The following IMPA1 variants were observed in gnomAD, a reference collection of about 807,000 sequenced individuals.
The protein encoded by IMPA1 is D-galactose 1-phosphate phosphatase.
In IMPA1, 21 loss-of-function variants were observed where a neutral mutation model predicts 34.9. The observed-to-expected ratio is 0.60, with a 90% CI of 0.43 to 0.87. IMPA1 has a LOEUF of 0.87. Among genes scored for constraint, IMPA1 ranks in the 40% least tolerant of loss-of-function variants. The pLI, the probability that IMPA1 is intolerant of heterozygous loss-of-function variation, is 0.00. For missense variants in IMPA1, 299 were observed against 336.4 expected, an observed-to-expected ratio of 0.89 and a Z score of 0.87; for synonymous variants, 95 against 104.4, an observed-to-expected ratio of 0.91 and a Z score of 0.55.
At chr8:81,669,374 C>G (rs747379743) in intron 7 of IMPA1, among the ~76,000 whole-genome samples, 6 of 152,198 alleles carry the variant, frequency 3.9e-5, no homozygotes, top group Non-Finnish European at 7.4e-5. Context: ...GGGCTGTACC[C>G]TGCAAAGCCA....
Position 81,684,558 on chromosome 8 carries a change from C to CT in IMPA1, c.-25+1693dup, listed in dbSNP as rs1563592496. ...TACTACACATAAGTATCTTTAGATA[C>CT]TAATGTGTAGTATATATACTACACA... On this transcript the variant is annotated intron_variant, in intron 1 of 8. Coordinates refer to ENST00000256108, the MANE Select transcript of IMPA1 (RefSeq NM_005536.4). Among the ~76,000 whole-genome samples, 307 of 96,680 alleles carry CT rather than the reference C, an allele frequency of 3.2e-3. 10 individuals are homozygous for CT. Among genetic ancestry groups the CT allele is most frequent in the Non-Finnish European group, 5.6e-3 (263 of 46,776 alleles). The allele number at this position is 96,680 out of a possible 152,430, so 63.4% of individuals were successfully genotyped here.
At chr8:81,685,762 C>T (rs867425174) in intron 1 of IMPA1, 31 of 1,514,750 alleles carry the variant, frequency 2.0e-5, no homozygotes, top group Non-Finnish European at 2.5e-5. Context: ...AGTTTACTCA[C>T]TTTCATTTTC....
At chr8:81,684,621 C>G (rs1236432006) in intron 1 of IMPA1, among the ~76,000 whole-genome samples, 1 of 83,588 alleles carries the variant, frequency 1.2e-5, no homozygotes, top group Non-Finnish European at 2.7e-5. Context: ...TATATATATA[C>G]TACACATAAG....
intron 1 of IMPA1, among the ~76,000 whole-genome samples, chr8:81,683,228 T>C (rs1255639406): frequency 6.6e-6 from 1 of 152,100 alleles, no homozygotes; most frequent in Non-Finnish European, 1.5e-5. Context: ...GTGGGGATCA[T>C]CCTCTACAGG....
In IMPA1 at chr8:81,681,370, G is replaced by A. The variant is rs1288873007; in HGVS notation, c.63+128C>T. The A allele has an allele frequency of 4.7e-6, 3 of 633,612 alleles. No individual in the cohort carries two copies. The African/African-American group carries it at 5.5e-5, about 12-fold the overall frequency. The allele number at this position is 633,612 out of a possible 1,614,324, so 39.2% of individuals were successfully genotyped here. On this transcript the variant is annotated intron_variant, in intron 2 of 8. Coordinates refer to ENST00000256108, the MANE Select transcript of IMPA1 (RefSeq NM_005536.4). ...GCCATGTTCCTGCCACTACATTCCA[G>A]CTTGGGTGACAAGCAAGACCGTTTC...
At chr8:81,684,673 A>C (rs140804066) in intron 1 of IMPA1, among the ~76,000 whole-genome samples, 6,148 of 133,180 alleles carry the variant, frequency 0.046, 358 homozygotes, top group African/African-American at 0.073. Context: ...ACATAAGTAT[A>C]TTTAGATACT....
intron 7 of IMPA1, among the ~76,000 whole-genome samples, chr8:81,665,441 T>C (rs1806794962): frequency 6.6e-6 from 1 of 151,222 alleles, no homozygotes; most frequent in Non-Finnish European, 1.5e-5. Flanking sequence ...TAAAGAGAAA[T>C]TAGGAAAAGC....
At position 81,657,108 on chromosome 8, in the gene IMPA1, T is replaced by C. The variant is rs537370023; in HGVS notation, c.*2243A>G. On this transcript the variant is annotated 3_prime_UTR_variant, in exon 9 of 9. Transcript: ENST00000256108. ...TAGATAATTCACTTGTCGATCATCC[T>C]TTTTCAGCATCTAAAGAAATTTCAG... 1.3e-5 allele frequency among the ~76,000 whole-genome samples: 2 copies of C among 152,296 alleles called. No individual in the cohort carries two copies. Among genetic ancestry groups the C allele is most frequent in the South Asian group, 4.1e-4 (2 of 4,824 alleles).
At position 81,659,324 on chromosome 8, in the gene IMPA1, C is replaced by A. The variant is rs1358520189; in HGVS notation, c.*27G>T. 1 of 1,279,148 alleles carries A rather than the reference C, an allele frequency of 7.8e-7. No homozygotes were observed. The highest frequency in any genetic ancestry group is 1.7e-5 in the Admixed American group (1 of 59,484). The allele number at this position is 1,279,148 out of a possible 1,614,324, so 79.2% of individuals were successfully genotyped here. A position where few individuals can be genotyped will look rare whatever the true frequency, so the allele number is the denominator to read the frequency against. On this transcript the variant is annotated 3_prime_UTR_variant, in exon 9 of 9. Transcript: ENST00000256108. Reference sequence around the variant, plus strand: ...AGTCACCAAATCTGGGGAAAAGCAACTGGGATTGACTATGAGGCTGCCTTA... The same window carrying A: ...AGTCACCAAATCTGGGGAAAAGCAAATGGGATTGACTATGAGGCTGCCTTA...
intron 7 of IMPA1, among the ~76,000 whole-genome samples, chr8:81,662,284 T>C (rs552136476): frequency 5.3e-5 from 8 of 152,344 alleles, no homozygotes; most frequent in South Asian, 2.1e-4. Flanking sequence ...TCTCATATCA[T>C]AGAATGCAAA....
intron 4 of IMPA1, among the ~76,000 whole-genome samples, chr8:81,678,320 A>G (rs1233583434): frequency 2.6e-5 from 4 of 152,132 alleles, no homozygotes; most frequent in Non-Finnish European, 5.9e-5. Flanking sequence ...CCCAAGAGTG[A>G]CTTCATTAGT....
chr8:81,668,942 A>G (rs1256341434), intron 7 of IMPA1, among the ~76,000 whole-genome samples: 1 of 152,186 alleles, frequency 6.6e-6, no homozygotes, highest in Admixed American at 6.5e-5. Flanking sequence ...AGCCAAGGTC[A>G]AGTGACCCTA....
intron 1 of IMPA1, among the ~76,000 whole-genome samples, chr8:81,684,549 C>A (rs1488454110): frequency 9.1e-6 from 1 of 109,958 alleles, no homozygotes; most frequent in Non-Finnish European, 1.8e-5. Flanking sequence ...ACATAAGTAT[C>A]TTTAGATACT....
chr8:81,667,885 A>G (rs1157304235), intron 7 of IMPA1, among the ~76,000 whole-genome samples: 4 of 150,466 alleles, frequency 2.7e-5, no homozygotes, highest in Admixed American at 6.6e-5. Context: ...GTGCAGTGAC[A>G]CGATCTCGGC....
chr8:81,664,771 G>T (rs1363357417), intron 7 of IMPA1, among the ~76,000 whole-genome samples: 1 of 151,818 alleles, frequency 6.6e-6, no homozygotes, highest in Non-Finnish European at 1.5e-5. Flanking sequence ...AATGCTAAAT[G>T]ACGAGTTAAT....
rs1390209021 is a variant in IMPA1 at position 81,658,271 on chromosome 8, A to G, written c.*1080T>C. ...ATAAATTAACCCTTTAAAAATGTCT[A>G]TGAACAAGTACAATTTTCTTTTTGA... On this transcript the variant is annotated 3_prime_UTR_variant, in exon 9 of 9. Transcript: ENST00000256108. The G allele has an allele frequency of 3.3e-5, 5 of 152,236 alleles. No individual in the cohort carries two copies. Among genetic ancestry groups the G allele is most frequent in the Non-Finnish European group, 7.3e-5 (5 of 68,038 alleles). The allele number at this position is 152,236 out of a possible 1,614,324, so 9.4% of individuals were successfully genotyped here. A position where few individuals can be genotyped will look rare whatever the true frequency, so the allele number is the denominator to read the frequency against.
intron 2 of IMPA1, 49 bp downstream of exon 2, chr8:81,681,449 C>A: frequency 9.8e-7 from 1 of 1,015,804 alleles, no homozygotes; most frequent in South Asian, 1.3e-5. Context: ...ACAGTATACC[C>A]ACCAATCACA....
Position 81,659,024 on chromosome 8 carries a change from C to G in IMPA1, c.*327G>C, listed in dbSNP as rs1435862146. The G allele has an allele frequency of 3.2e-6, 1 of 311,866 alleles. No individual in the cohort carries two copies. Among genetic ancestry groups the G allele is most frequent in the Non-Finnish European group, 6.0e-6 (1 of 167,240 alleles). The allele number at this position is 311,866 out of a possible 1,614,324, so 19.3% of individuals were successfully genotyped here. Reference sequence around the variant, plus strand: ...AAGTGGGTGTCTCTGCACCTATATACTAAGTCAAAATTTCAGGGGACCATA... The same window carrying G: ...AAGTGGGTGTCTCTGCACCTATATAGTAAGTCAAAATTTCAGGGGACCATA... On this transcript the variant is annotated 3_prime_UTR_variant, in exon 9 of 9. Coordinates refer to ENST00000256108, the MANE Select transcript of IMPA1 (RefSeq NM_005536.4).
chr8:81,679,001 TTAGAA>T (rs1807213484), intron 4 of IMPA1, 120 bp downstream of exon 4: 1 of 610,652 alleles, frequency 1.6e-6, no homozygotes, highest in Admixed American at 2.9e-5. Flanking sequence ...ATATACTTTA[TTAGAA>T]TAAAGAAGCA....
Sources: gnomAD v4.1 joint callset for allele counts (sites outside exome capture counted in the v4.1 genomes callset) on GRCh38, gnomAD v4.1.1 for gene constraint, MANE v1.5 for transcripts, NCBI Gene and HGNC (gene_info 2026-07-23, HGNC 2026-07-21) for gene names.